CELSR1: variants seen among roughly 807,000 people sequenced by gnomAD.
The protein encoded by CELSR1 is adhesion G protein-coupled receptor C1.
Under a neutral mutation model 249.1 loss-of-function variants are expected in CELSR1, and 110 were observed. The observed-to-expected ratio is 0.44, with a 90% CI of 0.38 to 0.52. The LOEUF (loss-of-function observed/expected upper bound fraction) is 0.52, where lower values mean the gene tolerates loss of function less well. CELSR1 is among the 20% of genes least tolerant of loss of function. The pLI is 0.00. For missense variants in CELSR1, 4,109 were observed against 4,296.4 expected, an observed-to-expected ratio of 0.96 and a Z score of 1.22; for synonymous variants, 2,113 against 1,900.0, an observed-to-expected ratio of 1.11 and a Z score of -2.92.
At chr22:46,386,358 CT>C in intron 19 of CELSR1, 43 bp downstream of exon 19, 1 of 1,481,698 alleles carries the variant, frequency 6.7e-7, no homozygotes. Context: ...GGGCACACCC[CT>C]GATGGTAGCA....
intron 24 of CELSR1, among the ~76,000 whole-genome samples, chr22:46,373,777 C>T (rs1248414681): frequency 5.3e-5 from 8 of 151,194 alleles, no homozygotes; most frequent in Non-Finnish European, 1.2e-4. Context: ...TGACCCCACC[C>T]CCAACCGGCC....
chr22:46,471,103 C>T lies in CELSR1; in HGVS notation c.3545-6758G>A, dbSNP rs955331804. 2.0e-5 allele frequency among the ~76,000 whole-genome samples: 3 copies of T among 151,772 alleles called. No individual in the cohort carries two copies. The highest frequency in any genetic ancestry group is 6.6e-5 in the Admixed American group (1 of 15,210). ...TGGCACCACTGCACTCCAGCCTGGG[C>T]GACAGAGTGAGACTCCACCTCAAAA... On this transcript the variant is annotated intron_variant, in intron 1 of 34. Transcript: ENST00000674500. The surrounding 1 kb of genome is among the most constrained non-coding windows in gnomAD (Gnocchi z 4.9).
Position 46,468,609 on chromosome 22 carries a change from T to A in CELSR1, c.3545-4264A>T, listed in dbSNP as rs928652145. Among the ~76,000 whole-genome samples, 1 of 151,852 alleles carries A rather than the reference T, an allele frequency of 6.6e-6. No individual in the cohort carries two copies. ...TGGGTGCCACGGGTGGGGAGGCAGATTGGGGAGCTGTTGTTTAGTGGGTGT... is the reference window on the plus strand; with the variant it reads ...TGGGTGCCACGGGTGGGGAGGCAGAATGGGGAGCTGTTGTTTAGTGGGTGT... On this transcript the variant is annotated intron_variant, in intron 1 of 34. Transcript: ENST00000674500. This position sits in a 1 kb window ranked among gnomAD's most constrained non-coding sequence, Gnocchi z 4.5.
At chr22:46,532,849 G>A (rs532064477) in intron 1 of CELSR1, among the ~76,000 whole-genome samples, 7 of 152,068 alleles carry the variant, frequency 4.6e-5, no homozygotes, top group South Asian at 2.1e-4. Context: ...GACCAGCCCC[G>A]GCACACAGGG....
chr22:46,377,276 G>C lies in CELSR1; in HGVS notation c.7384-15C>G. 6.2e-7 allele frequency: 1 copy of C among 1,612,988 alleles called. No individual in the cohort carries two copies. Among genetic ancestry groups the C allele is most frequent in the Non-Finnish European group, 8.5e-7 (1 of 1,179,464 alleles). On this transcript the variant is annotated splice_polypyrimidine_tract_variant and intron_variant, in intron 23 of 34. Transcript: ENST00000674500. ...ACCTCCCCGTTCTATGGGCAGGAGG[G>C]TTAAAGGCAGGAGAGAAGGTAAGGG...
chr22:46,506,953 T>C lies in CELSR1; in HGVS notation c.3544+26674A>G, dbSNP rs1375592633. Among the ~76,000 whole-genome samples, 1 of 152,106 alleles carries C rather than the reference T, an allele frequency of 6.6e-6. No homozygotes were observed. Among genetic ancestry groups the C allele is most frequent in the Non-Finnish European group, 1.5e-5 (1 of 68,004 alleles). On this transcript the variant is annotated intron_variant, in intron 1 of 34. Coordinates refer to ENST00000674500, the MANE Select transcript of CELSR1 (RefSeq NM_001378328.1). The surrounding 1 kb of genome is among the most constrained non-coding windows in gnomAD (Gnocchi z 4.1). ...GGCTCACGTTTGTAATCCCAGCACT[T>C]TGGGAGGCCGAGGCGGGTGGATCAC...
intron 1 of CELSR1, among the ~76,000 whole-genome samples, chr22:46,491,472 C>T (rs1345944665): frequency 1.3e-5 from 2 of 152,042 alleles, no homozygotes; most frequent in African/African-American, 4.8e-5. Flanking sequence ...ACCATATTGG[C>T]CAGGCTGGTC....
chr22:46,485,999 G>A (rs1319596147), intron 1 of CELSR1, among the ~76,000 whole-genome samples: 10 of 144,004 alleles, frequency 6.9e-5, no homozygotes, highest in Non-Finnish European at 1.3e-4. Context: ...GTGCAGTGGC[G>A]TGACCTCGGC....
intron 1 of CELSR1, among the ~76,000 whole-genome samples, chr22:46,520,784 G>C (rs2080677673): frequency 6.6e-6 from 1 of 151,996 alleles, no homozygotes; most frequent in Admixed American, 6.6e-5. Context: ...ACAGTTTAGG[G>C]GCATGAAGTA....
At chr22:46,459,041 T>C (rs942055987) in intron 2 of CELSR1, among the ~76,000 whole-genome samples, 16 of 150,230 alleles carry the variant, frequency 1.1e-4, no homozygotes, top group African/African-American at 3.7e-4. Context: ...TACAGGCGTG[T>C]GCCACCACAC....
At chr22:46,505,172 G>A (rs1396055180) in intron 1 of CELSR1, among the ~76,000 whole-genome samples, 3 of 149,072 alleles carry the variant, frequency 2.0e-5, no homozygotes, top group Admixed American at 6.8e-5. Flanking sequence ...TGAGGCAGGA[G>A]AATGGCGTGA....
In CELSR1 at chr22:46,472,492, C is replaced by T. The variant is rs1446616548; in HGVS notation, c.3545-8147G>A. On this transcript the variant is annotated intron_variant, in intron 1 of 34. Transcript: ENST00000674500. This position sits in a 1 kb window ranked among gnomAD's most constrained non-coding sequence, Gnocchi z 7.0. ...GAAGAGCAGCGCAGCTGATGCTGGA[C>T]GGCCCCGGGAGACAGGGGAGTAGGT... is the stretch of plus-strand genomic sequence containing the variant. 5.9e-5 allele frequency among the ~76,000 whole-genome samples: 9 copies of T among 152,178 alleles called. No individual in the cohort carries two copies. The highest frequency in any genetic ancestry group is 3.9e-4 in the East Asian group (2 of 5,160).
intron 19 of CELSR1, among the ~76,000 whole-genome samples, chr22:46,385,997 T>C (rs2079029767): frequency 7.9e-6 from 1 of 126,340 alleles, no homozygotes. Flanking sequence ...TGAGATGGAG[T>C]CTCGCTCTGT....
In CELSR1 at chr22:46,472,198, G is replaced by A. The variant is rs1395296285; in HGVS notation, c.3545-7853C>T. Among the ~76,000 whole-genome samples, 1 of 152,216 alleles carries A rather than the reference G, an allele frequency of 6.6e-6. No individual in the cohort carries two copies. The highest frequency in any genetic ancestry group is 1.5e-5 in the Non-Finnish European group (1 of 68,046). ...AGCGCGAGGCTGCGGGGCCCTCCTG[G>A]CAGGTGCTGTACAAACGTGAACCAC... On this transcript the variant is annotated intron_variant, in intron 1 of 34. Coordinates refer to ENST00000674500, the MANE Select transcript of CELSR1 (RefSeq NM_001378328.1). The surrounding 1 kb of genome is among the most constrained non-coding windows in gnomAD (Gnocchi z 7.0).
chr22:46,517,904 C>CTT lies in CELSR1; in HGVS notation c.3544+15721_3544+15722dup, dbSNP rs11370514. Among the ~76,000 whole-genome samples, 1,756 of 138,304 alleles carry CTT rather than the reference C, an allele frequency of 0.013. 33 individuals are homozygous for CTT. Among genetic ancestry groups the CTT allele is most frequent in the African/African-American group, 0.04 (1,504 of 37,390 alleles). The allele number at this position is 138,304 out of a possible 152,430, so 90.7% of individuals were successfully genotyped here. On this transcript the variant is annotated intron_variant, in intron 1 of 34. Coordinates refer to ENST00000674500, the MANE Select transcript of CELSR1 (RefSeq NM_001378328.1). The surrounding 1 kb of genome is among the most constrained non-coding windows in gnomAD (Gnocchi z 5.4). ...ACACACCTCCCACGGTGTCCCCTTC[C>CTT]TTTTTTTTTTTTTTTGAGACAGAGT...
In CELSR1 at chr22:46,402,949, T is replaced by C. The variant is rs2079223922; in HGVS notation, c.5227-3047A>G. Among the ~76,000 whole-genome samples, 1 of 151,888 alleles carries C rather than the reference T, an allele frequency of 6.6e-6. No individual in the cohort carries two copies. Among genetic ancestry groups the C allele is most frequent in the African/African-American group, 2.4e-5 (1 of 41,312 alleles). On this transcript the variant is annotated intron_variant, in intron 9 of 34. Transcript: ENST00000674500. This position sits in a 1 kb window ranked among gnomAD's most constrained non-coding sequence, Gnocchi z 5.0. ...ACAGAAAATGTTGAAAGTAAAAGGA[T>C]AGAAAAAAATACATCATATAAATAC...
At chr22:46,513,578 G>C (rs984164377) in intron 1 of CELSR1, among the ~76,000 whole-genome samples, 1 of 152,136 alleles carries the variant, frequency 6.6e-6, no homozygotes, top group Non-Finnish European at 1.5e-5. Context: ...ATGAGACACT[G>C]CCTGTACACT....
At chr22:46,384,493 C>A in intron 20 of CELSR1, 50 bp downstream of exon 20, 1 of 1,536,514 alleles carries the variant, frequency 6.5e-7, no homozygotes, top group South Asian at 1.2e-5. Flanking sequence ...CCTCCCCTCC[C>A]TGAACGCTGG....
At chr22:46,497,956 T>C (rs1376640568) in intron 1 of CELSR1, among the ~76,000 whole-genome samples, 1 of 128,126 alleles carries the variant, frequency 7.8e-6, no homozygotes, top group Non-Finnish European at 1.7e-5. Flanking sequence ...GTGATTAAGA[T>C]AGTCTGGTGG....
Sources: gnomAD v4.1 joint callset for allele counts (sites outside exome capture counted in the v4.1 genomes callset) on GRCh38, gnomAD v4.1.1 for gene constraint, Gnocchi (gnomAD v3.1) non-coding constraint, MANE v1.5 for transcripts, NCBI Gene and HGNC (gene_info 2026-07-23, HGNC 2026-07-21) for gene names.